BLM: variants seen among roughly 807,000 people sequenced by gnomAD.
The protein encoded by BLM is recQ-like DNA helicase BLM.
BLM carries 95 observed loss-of-function variants against 135.3 expected under a neutral mutation model. That is an observed-to-expected ratio of 0.70 (90% CI 0.59 to 0.83). The LOEUF is 0.83. BLM is among the 40% of genes least tolerant of loss of function. The pLI, the probability that BLM is intolerant of heterozygous loss-of-function variation, is 0.00. For missense variants in BLM, 1,518 were observed against 1,663.9 expected, an observed-to-expected ratio of 0.91 and a Z score of 1.53; for synonymous variants, 520 against 589.2, an observed-to-expected ratio of 0.88 and a Z score of 1.70.
chr15:90,762,923 G>A (rs767178619), intron 7 of BLM, 43 bp from the exon 8 acceptor site: 1 of 1,540,358 alleles, frequency 6.5e-7, no homozygotes, highest in Non-Finnish European at 9.0e-7. Flanking sequence ...TACTTTCACT[G>A]TATTCATGTA....
At chr15:90,807,191 C>G (rs778544255) in intron 19 of BLM, among the ~76,000 whole-genome samples, 1 of 152,136 alleles carries the variant, frequency 6.6e-6, no homozygotes, top group Non-Finnish European at 1.5e-5. Flanking sequence ...GTTATCAGTT[C>G]TGTTTTGAAG....
At chr15:90,762,933 A>T (rs903549703) in intron 7 of BLM, 33 bp from the exon 8 acceptor site, 1 of 1,585,268 alleles carries the variant, frequency 6.3e-7, no homozygotes, top group Non-Finnish European at 8.6e-7. Context: ...GTATTCATGT[A>T]CTGATTTTTC....
At chr15:90,729,075 C>T (rs1290741881) in intron 1 of BLM, among the ~76,000 whole-genome samples, 4 of 151,900 alleles carry the variant, frequency 2.6e-5, no homozygotes, top group Non-Finnish European at 5.9e-5. Context: ...TTTGAGAGGC[C>T]GAGGCGGGCA....
rs546815674 is a variant in BLM at position 90,764,380 on chromosome 15, C to G, written c.2075-916C>G. The stretch of plus-strand genomic sequence containing the variant: ...TCTTATTATTTTTGAGACAGGGTCT[C>G]TTGATCTGTCACCCATGCTGGAATA... On this transcript the variant is annotated intron_variant, in intron 8 of 21. Transcript: ENST00000355112. Among the ~76,000 whole-genome samples, 30 of 151,790 alleles carry G rather than the reference C, an allele frequency of 2.0e-4. No homozygotes were observed. In the South Asian group the frequency reaches 6.2e-3, roughly 31 times the overall value.
chr15:90,727,220 C>A (rs1251078036), intron 1 of BLM, among the ~76,000 whole-genome samples: 3 of 151,966 alleles, frequency 2.0e-5, no homozygotes, highest in Admixed American at 2.0e-4. Context: ...TGCTGTGTTG[C>A]CCAAGCTGGT....
chr15:90,806,064 A>C (rs946514476), intron 19 of BLM, among the ~76,000 whole-genome samples: 3 of 152,186 alleles, frequency 2.0e-5, no homozygotes, highest in East Asian at 1.9e-4. Context: ...AATAAAAATC[A>C]ATGTCCAAAT....
chr15:90,779,233 T>G (rs993787598), intron 12 of BLM, among the ~76,000 whole-genome samples: 5 of 152,206 alleles, frequency 3.3e-5, no homozygotes, highest in African/African-American at 1.2e-4. Context: ...AAAGTGGCTG[T>G]GCCATTTTAC....
At chr15:90,732,727 GCA>G (rs1450265293) in intron 1 of BLM, among the ~76,000 whole-genome samples, 1 of 151,948 alleles carries the variant, frequency 6.6e-6, no homozygotes, top group Non-Finnish European at 1.5e-5. Flanking sequence ...TAAATCGAAA[GCA>G]CAAGAGAATA....
At chr15:90,777,098 C>A (rs188024470) in intron 12 of BLM, among the ~76,000 whole-genome samples, 228 of 151,872 alleles carry the variant, frequency 1.5e-3, no homozygotes, top group Middle Eastern at 3.4e-3. Context: ...CTGCCCTAGC[C>A]TCCTGAGTAG....
intron 2 of BLM, among the ~76,000 whole-genome samples, chr15:90,748,898 C>T (rs1895584187): frequency 6.6e-6 from 1 of 151,926 alleles, no homozygotes; most frequent in Admixed American, 6.6e-5. Context: ...GCTAGGGCTT[C>T]AGGCATACAC....
rs1302320494 is a variant in BLM, at chr15:90,760,749, C to T, written c.1376C>T (p.Pro459Leu). 1 of 1,614,092 alleles carries T rather than the reference C, an allele frequency of 6.2e-7. No individual in the cohort carries two copies. The highest frequency in any genetic ancestry group is 1.3e-5 in the African/African-American group (1 of 75,014). Reference protein sequence around the residue: ...SMKELNFSHLPSNSVSPGDCL... With the variant: ...SMKELNFSHLLSNSVSPGDCL... ...AAGGAGTTAAATTTTTCACACCTTC[C>T]CTCAAATTCTGTTTCTCCTGGGGAC... The change falls in exon 7 of 22, where the codon CCC (proline) becomes CTC (leucine). Residue 459 changes from proline (P) to leucine (L), a missense_variant. Coordinates refer to ENST00000355112, the MANE Select transcript of BLM (RefSeq NM_000057.4).
In BLM at chr15:90,811,400, C is replaced by G; in HGVS notation, c.4070C>G (p.Ala1357Gly). 6.2e-7 allele frequency: 1 copy of G among 1,613,956 alleles called. No individual in the cohort carries two copies. The highest frequency in any genetic ancestry group is 8.5e-7 in the Non-Finnish European group (1 of 1,179,930). ...RRKTASSGSK[A>G]KGGSATCRKI... ...AAAACTGCTTCCAGTGGTTCCAAGG[C>G]AAAGGGGTATGTTTTGTGACATCTT... Residue 1357 changes from alanine to glycine, a missense_variant, in exon 21 of 22, where the codon GCA becomes GGA. Ala to Gly is a moderately conservative substitution (Grantham distance 60). Transcript: ENST00000355112.
Position 90,813,833 on chromosome 15 carries a change from A to C in BLM, c.4077-1269A>C, listed in dbSNP as rs117379553. Among the ~76,000 whole-genome samples the C allele has an allele frequency of 1.3e-3, 196 of 152,298 alleles. 7 individuals are homozygous for C. The East Asian group carries it at 0.029, about 22-fold the overall frequency. On this transcript the variant is annotated intron_variant, in intron 21 of 21. Coordinates refer to ENST00000355112, the MANE Select transcript of BLM (RefSeq NM_000057.4). ...GGATTGAGAGTCCCTGTGCAGTGAA[A>C]GAATAAATGTGGCTCTCTGCCAGCA...
intron 5 of BLM, 55 bp downstream of exon 5, chr15:90,754,993 A>G (rs1180051890): frequency 1.3e-6 from 2 of 1,594,032 alleles, no homozygotes; most frequent in African/African-American, 2.7e-5. Context: ...TTTTGAAAAC[A>G]ACGTAACACA....
chr15:90,808,840 T>A (rs1897340687), intron 19 of BLM: 10 of 472,892 alleles, frequency 2.1e-5, no homozygotes, highest in Non-Finnish European at 3.9e-5. Context: ...CAAGAGCAGA[T>A]CTGCTCCACT....
At chr15:90,790,012 T>G (rs954572902) in intron 14 of BLM, among the ~76,000 whole-genome samples, 1 of 126,354 alleles carries the variant, frequency 7.9e-6, no homozygotes, top group African/African-American at 3.3e-5. Flanking sequence ...TTTTTTTTTT[T>G]TTTTTTTTTT....
chr15:90,778,889 C>CTTTTTTTT (rs60733714), intron 12 of BLM, among the ~76,000 whole-genome samples: 4 of 135,044 alleles, frequency 3.0e-5, no homozygotes, highest in East Asian at 2.2e-4. Flanking sequence ...TTAACCCTTT[C>CTTTTTTTT]TTTTTTTTTT....
intron 5 of BLM, among the ~76,000 whole-genome samples, chr15:90,757,000 G>A (rs1007803307): frequency 6.6e-6 from 1 of 152,154 alleles, no homozygotes; most frequent in African/African-American, 2.4e-5. Flanking sequence ...GTACACTGCA[G>A]GCCTTTCATA....
At chr15:90,758,760 A>G (rs1262904454) in intron 5 of BLM, among the ~76,000 whole-genome samples, 4 of 152,214 alleles carry the variant, frequency 2.6e-5, no homozygotes, top group African/African-American at 7.2e-5. Flanking sequence ...GGCCACCAGA[A>G]TCATATTAAG....
Sources: gnomAD v4.1 joint callset for allele counts (sites outside exome capture counted in the v4.1 genomes callset) on GRCh38, gnomAD v4.1.1 for gene constraint, MANE v1.5 for transcripts, NCBI Gene and HGNC (gene_info 2026-07-23, HGNC 2026-07-21) for gene names.